Variants in GREB1 observed in about 807,000 individuals in gnomAD.
GREB1 encodes the protein protein GREB1.
In GREB1, 106 loss-of-function variants were observed where a neutral mutation model predicts 200.7. The observed-to-expected ratio is 0.53, with a 90% confidence interval of 0.45 to 0.62. The LOEUF (loss-of-function observed/expected upper bound fraction) is 0.62, where lower values mean the gene tolerates loss of function less well. Among genes scored for constraint, GREB1 ranks in the 20% least tolerant of loss-of-function variants. GREB1 has a pLI of 0.00. For missense variants in GREB1, 2,243 were observed against 2,556.8 expected (o/e 0.88, Z 2.65); for synonymous variants, 1,132 against 1,092.4 (o/e 1.04, Z -0.72).
At chr2:11,488,267 A>C (rs1008734056) in intron 1 of GREB1, among the ~76,000 whole-genome samples, 1 of 152,174 alleles carries the variant, frequency 6.6e-6, no homozygotes, top group East Asian at 1.9e-4. Context: ...TGGGTGGTCA[A>C]CCTTGAGAAC....
rs1180449142 is a variant in GREB1 at position 11,632,023 on chromosome 2, G to T, written c.4726G>T (p.Val1576Phe). ...TGCCAGCCATTTGCACGTGCTGGTT[G>T]TCAAGGAATACGAGATGGCAATTTA... ...DGASHLHVLV[V>F]KEYEMAIYKK... Residue 1576 changes from valine to phenylalanine, a missense_variant, in exon 27 of 33, where the codon GTC becomes TTC. Physicochemically the swap from Val to Phe is conservative, Grantham distance 50. Around this residue, in one of 3 missense-constraint regions of GREB1, gnomAD observed 478 missense variants for 616.3 expected, o/e 0.78. Coordinates refer to ENST00000381486, the MANE Select transcript of GREB1 (RefSeq NM_014668.4). 1 of 1,614,054 alleles carries T rather than the reference G, an allele frequency of 6.2e-7. No homozygotes were observed. Among genetic ancestry groups the T allele is most frequent in the South Asian group, 1.1e-5 (1 of 91,082 alleles).
intron 7 of GREB1, chr2:11,581,306 T>A: frequency 2.9e-5 from 12 of 411,938 alleles, no homozygotes; most frequent in Non-Finnish European, 3.5e-5. Context: ...AGGGATGAGG[T>A]GCTGTATGAA....
At chr2:11,506,530 G>A (rs992310165) in intron 1 of GREB1, among the ~76,000 whole-genome samples, 5 of 152,176 alleles carry the variant, frequency 3.3e-5, no homozygotes, top group Non-Finnish European at 7.4e-5. Context: ...AAAGAGTGGA[G>A]ATTTAGTTGG....
At chr2:11,559,544 A>G (rs1676773911) in intron 2 of GREB1, among the ~76,000 whole-genome samples, 1 of 152,156 alleles carries the variant, frequency 6.6e-6, no homozygotes, top group South Asian at 2.1e-4. Flanking sequence ...CTTGGCTGCG[A>G]CGGTGCGGGC....
chr2:11,605,860 CAGTT>C (rs1179707410), intron 17 of GREB1, among the ~76,000 whole-genome samples: 1 of 152,118 alleles, frequency 6.6e-6, no homozygotes, highest in African/African-American at 2.4e-5. Flanking sequence ...GGTTAAGAGG[CAGTT>C]AGGTTGTTTT....
intron 30 of GREB1, among the ~76,000 whole-genome samples, chr2:11,637,090 A>G (rs976831128): frequency 6.6e-6 from 1 of 151,924 alleles, no homozygotes; most frequent in Non-Finnish European, 1.5e-5. Flanking sequence ...GGGCAGAGGC[A>G]GGGGCAGGGA....
intron 16 of GREB1, 31 bp from the exon 17 acceptor site, chr2:11,602,375 T>A: frequency 1.2e-6 from 2 of 1,608,110 alleles, no homozygotes; most frequent in Non-Finnish European, 1.7e-6. Flanking sequence ...GAATGCAGTG[T>A]TGGAGTGACC....
At chr2:11,591,632 G>T in intron 10 of GREB1, 4 of 588,132 alleles carry the variant, frequency 6.8e-6, no homozygotes, top group Non-Finnish European at 1.2e-5. Flanking sequence ...GACGCATTCA[G>T]GCTCTTGGGA....
At chr2:11,577,861 T>G (rs937023269) in intron 5 of GREB1, among the ~76,000 whole-genome samples, 2 of 152,178 alleles carry the variant, frequency 1.3e-5, no homozygotes, top group Non-Finnish European at 2.9e-5. Context: ...GTGGGACCAG[T>G]TCACCGTCTT....
At chr2:11,596,940 G>A (rs183586662) in intron 13 of GREB1, among the ~76,000 whole-genome samples, 6 of 150,984 alleles carry the variant, frequency 4.0e-5, no homozygotes, top group Non-Finnish European at 7.4e-5. Context: ...GGGCGGGGGC[G>A]CAGGTGTGCA....
intron 3 of GREB1, 144 bp from the exon 4 acceptor site, chr2:11,566,336 T>A: frequency 1.4e-6 from 1 of 708,242 alleles, no homozygotes; most frequent in South Asian, 2.2e-5. Context: ...TATAGTTCTA[T>A]CTCTCAGGAT....
chr2:11,583,305 TCTC>T (rs2148098047), intron 7 of GREB1, among the ~76,000 whole-genome samples: 1 of 151,820 alleles, frequency 6.6e-6, no homozygotes, highest in Non-Finnish European at 1.5e-5. Context: ...CTGTGGGGGG[TCTC>T]CCATCGCAAT....
At chr2:11,606,414 C>A (rs1255193497) in intron 17 of GREB1, among the ~76,000 whole-genome samples, 2 of 152,166 alleles carry the variant, frequency 1.3e-5, no homozygotes, top group Admixed American at 6.5e-5. Flanking sequence ...ATTTTAATTT[C>A]TCCAATGACT....
chr2:11,562,507 G>T lies in GREB1; in HGVS notation c.202G>T (p.Gly68Ter), dbSNP rs1196390652. The T allele has an allele frequency of 1.2e-6, 2 of 1,607,760 alleles. No individual in the cohort carries two copies. Among genetic ancestry groups the T allele is most frequent in the African/African-American group, 1.3e-5 (1 of 74,150 alleles). The change falls in exon 3 of 33, where the codon GGA becomes TGA. Residue 68 changes from glycine (G) to a stop codon, truncating the protein, a stop_gained. Transcript: ENST00000381486. LOFTEE classifies it high-confidence loss of function. Reference protein sequence around the residue: ...DNEEEEEEGEGGLETNGPPNP... With the variant: ...DNEEEEEEGE Reference sequence around the variant, plus strand: ...TGAGGAAGAGGAAGAAGAGGGAGAAGGAGGGCTGGAAACAAATGGCCCCCC... The same window carrying T: ...TGAGGAAGAGGAAGAAGAGGGAGAATGAGGGCTGGAAACAAATGGCCCCCC...
Position 11,638,793 on chromosome 2 carries a change from G to T in GREB1, c.5670G>T (p.Lys1890Asn). 1 of 1,614,002 alleles carries T rather than the reference G, an allele frequency of 6.2e-7. No homozygotes were observed. Among genetic ancestry groups the T allele is most frequent in the Non-Finnish European group, 8.5e-7 (1 of 1,179,990 alleles). ...TTGTGGGAGCTAGCTTTTTGAAAAA[G>T]TTTCATTTTCTGAAAGGTAACTTTT... is the stretch of plus-strand genomic sequence containing the variant. ...DSFVGASFLK[K>N]FHFLKGATLC... Residue 1890 changes from lysine to asparagine, a missense_variant, in exon 32 of 33, where the codon AAG becomes AAT. Physicochemically the swap from Lys to Asn is moderately conservative, Grantham distance 94 (BLOSUM62 0). Around this residue, in one of 3 missense-constraint regions of GREB1, gnomAD observed 478 missense variants for 616.3 expected, o/e 0.78. Transcript: ENST00000381486.
At position 11,637,759 on chromosome 2, in the gene GREB1, G is replaced by C. The variant is rs759582584; in HGVS notation, c.5390G>C (p.Cys1797Ser). Residue 1797 changes from cysteine to serine, a missense_variant, in exon 31 of 33, where the codon TGT becomes TCT. Physicochemically the swap from Cys to Ser is moderately radical, Grantham distance 112. Around this residue, in one of 3 missense-constraint regions of GREB1, gnomAD observed 478 missense variants for 616.3 expected, o/e 0.78. Transcript: ENST00000381486. ...GCGGTCGTGCCGGCCCAGTACATCT[G>C]TGCCCCGGACAGCAAGCACACGTTC... is the stretch of plus-strand genomic sequence containing the variant. ...SAAVVPAQYI[C>S]APDSKHTFLA... The C allele has an allele frequency of 4.0e-5, 64 of 1,613,780 alleles. No individual in the cohort carries two copies. Among genetic ancestry groups the C allele is most frequent in the Non-Finnish European group, 5.4e-5 (64 of 1,180,040 alleles).
chr2:11,557,040 T>A (rs1349315990), intron 2 of GREB1, among the ~76,000 whole-genome samples: 2 of 152,252 alleles, frequency 1.3e-5, no homozygotes, highest in Non-Finnish European at 2.9e-5. Flanking sequence ...TTACTTATGC[T>A]CTTATTAGAA....
At chr2:11,515,759 A>G (rs1299802314) in intron 1 of GREB1, among the ~76,000 whole-genome samples, 1 of 152,238 alleles carries the variant, frequency 6.6e-6, no homozygotes, top group Non-Finnish European at 1.5e-5. Context: ...AGGTGACAGC[A>G]TATTTCTCTG....
At chr2:11,522,295 A>T (rs574957758) in intron 1 of GREB1, among the ~76,000 whole-genome samples, 2 of 152,182 alleles carry the variant, frequency 1.3e-5, no homozygotes, top group Non-Finnish European at 2.9e-5. Context: ...TTTATATCCT[A>T]CTGCTCAATG....
Sources: gnomAD v4.1 joint callset for allele counts (sites outside exome capture counted in the v4.1 genomes callset) on GRCh38, gnomAD v4.1.1 for gene constraint, gnomAD v4.1.1 regional missense constraint, MANE v1.5 for transcripts, NCBI Gene and HGNC (gene_info 2026-07-23, HGNC 2026-07-21) for gene names.